The following ZFP1 variants were observed in gnomAD, a reference collection of about 807,000 sequenced individuals.
ZFP1 encodes ZFP1 zinc finger protein.
In ZFP1, 32 loss-of-function variants were observed where a neutral mutation model predicts 38.5. That is an observed-to-expected ratio of 0.83 (90% confidence interval 0.63 to 1.12). The LOEUF (loss-of-function observed/expected upper bound fraction) is 1.12. ZFP1 is among the 50% of genes most tolerant of loss of function. The pLI is 0.00. For missense variants in ZFP1, 616 were observed against 480.8 expected, an observed-to-expected ratio of 1.28 and a Z score of -2.63; for synonymous variants, 245 against 168.8, an observed-to-expected ratio of 1.45 and a Z score of -3.50.
the ZFP1 span, among the ~76,000 whole-genome samples, chr16:75,120,006 G>T: frequency 6.6e-6 from 1 of 152,214 alleles, no homozygotes; most frequent in Non-Finnish European, 1.5e-5. Context: ...AAGAGCAATG[G>T]CTGTGCTTCT....
At chr16:75,129,127 G>A in the ZFP1 span, among the ~76,000 whole-genome samples, 3 of 152,244 alleles carry the variant, frequency 2.0e-5, no homozygotes, top group African/African-American at 4.8e-5. Context: ...TATGGACTTC[G>A]GAGTAATGTG....
At chr16:75,149,189 C>G (rs1213443945) in intron 1 of ZFP1, 2 of 152,196 alleles carry the variant, frequency 1.3e-5, no homozygotes, top group Non-Finnish European at 2.9e-5. Context: ...TTATCATCTC[C>G]GTCGCTATCC....
intron 2 of ZFP1, among the ~76,000 whole-genome samples, chr16:75,164,128 G>GT (rs2037932968): frequency 6.6e-6 from 1 of 152,058 alleles, no homozygotes; most frequent in Non-Finnish European, 1.5e-5. Context: ...TGTGCCTTTT[G>GT]TTTTCAGGCT....
At chr16:75,150,812 C>G (rs1190914881) in intron 1 of ZFP1, among the ~76,000 whole-genome samples, 1 of 152,066 alleles carries the variant, frequency 6.6e-6, no homozygotes, top group Admixed American at 6.6e-5. Flanking sequence ...TGCTGTTGAT[C>G]GTAGAATCTT....
intron 2 of ZFP1, among the ~76,000 whole-genome samples, chr16:75,162,725 A>G (rs992917148): frequency 6.6e-6 from 1 of 152,064 alleles, no homozygotes; most frequent in South Asian, 2.1e-4. Flanking sequence ...GTGAGTACCC[A>G]GAGTTTAGCT....
the ZFP1 span, among the ~76,000 whole-genome samples, chr16:75,134,372 T>C: frequency 1.3e-5 from 2 of 152,126 alleles, no homozygotes; most frequent in East Asian, 3.9e-4. Context: ...ATTAAGTTGG[T>C]CATTAAAGAT....
chr16:75,134,400 G>A, the ZFP1 span, among the ~76,000 whole-genome samples: 1 of 151,996 alleles, frequency 6.6e-6, no homozygotes, highest in Non-Finnish European at 1.5e-5. Context: ...TTGAGCCCAG[G>A]AGTTTGTGAC....
intron 3 of ZFP1, 139 bp downstream of exon 3, chr16:75,167,035 C>G: frequency 4.9e-6 from 7 of 1,440,890 alleles, no homozygotes; most frequent in Non-Finnish European, 5.6e-6. Flanking sequence ...GATCTTGCAG[C>G]CTTTAAAGCT....
At chr16:75,125,228 C>T in the ZFP1 span, among the ~76,000 whole-genome samples, 1 of 152,030 alleles carries the variant, frequency 6.6e-6, no homozygotes, top group East Asian at 1.9e-4. Flanking sequence ...CACTGCACTC[C>T]AGCTGGGACA....
chr16:75,130,644 G>A, the ZFP1 span, among the ~76,000 whole-genome samples: 1 of 152,100 alleles, frequency 6.6e-6, no homozygotes, highest in Non-Finnish European at 1.5e-5. Context: ...GGAGCAGGCT[G>A]CCACCAACTG....
chr16:75,153,025 G>C (rs1240858729), intron 2 of ZFP1, 59 bp downstream of exon 2: 4 of 1,591,106 alleles, frequency 2.5e-6, no homozygotes, highest in East Asian at 2.3e-5. Context: ...AGTTTATAAG[G>C]ATCCAGAAAA....
rs1202947644 is a variant in ZFP1, at chr16:75,169,906, A to C, written c.796A>C (p.Lys266Gln). ...IVHQRAHMEK[K>Q]PYECSECGKT... ...ACACCAGAGAGCACATATGGAGAAG[A>C]AGCCCTATGAGTGCAGTGAATGTGG... Residue 266 changes from lysine to glutamine, a missense_variant, in exon 4 of 4, where the codon AAG (lysine) becomes CAG (glutamine). Coordinates refer to ENST00000570010, the MANE Select transcript of ZFP1 (RefSeq NM_153688.4). 6.2e-7 allele frequency: 1 copy of C among 1,614,230 alleles called. No homozygotes were observed. The highest frequency in any genetic ancestry group is 2.2e-5 in the East Asian group (1 of 44,884).
At chr16:75,154,925 GTA>G (rs2037398281) in intron 2 of ZFP1, among the ~76,000 whole-genome samples, 1 of 152,046 alleles carries the variant, frequency 6.6e-6, no homozygotes, top group Admixed American at 6.6e-5. Flanking sequence ...AGCCTCCCGA[GTA>G]GCTGGGATTA....
chr16:75,151,379 C>T lies in ZFP1; in HGVS notation c.-43-1530C>T, dbSNP rs551345382. 2.4e-3 allele frequency among the ~76,000 whole-genome samples: 360 copies of T among 152,122 alleles called. 2 individuals are homozygous for T. Among genetic ancestry groups the T allele is most frequent in the African/African-American group, 8.1e-3 (338 of 41,504 alleles). ...AGTTGTGTTAAAGTCTACCATCTTGCTGGTTTTTTTCTGTTTTTCTTATTT... is the reference window on the plus strand; with the variant it reads ...AGTTGTGTTAAAGTCTACCATCTTGTTGGTTTTTTTCTGTTTTTCTTATTT... On this transcript the variant is annotated intron_variant, in intron 1 of 3. Transcript: ENST00000570010.
At chr16:75,151,008 C>A (rs2037174436) in intron 1 of ZFP1, among the ~76,000 whole-genome samples, 1 of 151,832 alleles carries the variant, frequency 6.6e-6, no homozygotes, top group Non-Finnish European at 1.5e-5. Flanking sequence ...AAGGTGTGAG[C>A]CACCACACTC....
intron 2 of ZFP1, chr16:75,157,191 T>C (rs2037511349): frequency 6.6e-6 from 1 of 152,140 alleles, no homozygotes; most frequent in Non-Finnish European, 1.5e-5. Context: ...CAGCAGCTTC[T>C]TGAGAAAGGG....
At chr16:75,156,272 G>C (rs1307631084) in intron 2 of ZFP1, among the ~76,000 whole-genome samples, 1 of 152,146 alleles carries the variant, frequency 6.6e-6, no homozygotes, top group African/African-American at 2.4e-5. Context: ...TGGCCAACAT[G>C]GCGAAACCCT....
At chr16:75,144,073 C>G (rs1396282177), upstream of ZFP1, 1 of 152,340 alleles carries the variant, frequency 6.6e-6, no homozygotes, top group East Asian at 1.9e-4. Flanking sequence ...GCTACACTTT[C>G]TCTTTATTTT....
Position 75,169,913 on chromosome 16 carries a change from A to G in ZFP1, c.803A>G (p.Tyr268Cys). 7 of 1,614,216 alleles carry G rather than the reference A, an allele frequency of 4.3e-6. No homozygotes were observed. The highest frequency in any genetic ancestry group is 1.1e-5 in the South Asian group (1 of 91,080). The change falls in exon 4 of 4, where the codon TAT (tyrosine) becomes TGT (cysteine). Residue 268 changes from tyrosine to cysteine, a missense_variant. By Grantham distance (194) the Tyr-to-Cys change is radical (BLOSUM62 -2). Transcript: ENST00000570010. ...HQRAHMEKKP[Y>C]ECSECGKTFA... ...AGAGCACATATGGAGAAGAAGCCCTATGAGTGCAGTGAATGTGGAAAGACA... is the reference window on the plus strand; with the variant it reads ...AGAGCACATATGGAGAAGAAGCCCTGTGAGTGCAGTGAATGTGGAAAGACA...
Sources: gnomAD v4.1 joint callset for allele counts (sites outside exome capture counted in the v4.1 genomes callset) on GRCh38, gnomAD v4.1.1 for gene constraint, MANE v1.5 for transcripts, NCBI Gene and HGNC (gene_info 2026-07-23, HGNC 2026-07-21) for gene names.